XRN2: variants seen among roughly 807,000 people sequenced by gnomAD.
XRN2 encodes the protein DHM1-like protein.
XRN2 carries 44 observed loss-of-function variants against 138.5 expected under a neutral mutation model. That is an observed-to-expected ratio of 0.32 (90% CI 0.25 to 0.41). The LOEUF (loss-of-function observed/expected upper bound fraction) is 0.41. XRN2 is among the 10% of genes least tolerant of loss of function. XRN2 has a pLI of 1.00. For missense variants in XRN2, 937 were observed against 1,169.3 expected (o/e 0.80, Z 2.90); for synonymous variants, 354 against 369.4 (o/e 0.96, Z 0.48).
chr20:21,332,477 A>T (rs762809817), intron 9 of XRN2, 37 bp downstream of exon 9: 5 of 1,542,264 alleles, frequency 3.2e-6, no homozygotes, highest in Non-Finnish European at 4.4e-6. Context: ...TCATTAAAAA[A>T]AAAAATCTAT....
intron 1 of XRN2, among the ~76,000 whole-genome samples, chr20:21,324,909 A>G (rs1007148389): frequency 3.3e-5 from 5 of 152,348 alleles, no homozygotes; most frequent in South Asian, 2.1e-4. Flanking sequence ...GAGCTGTGCA[A>G]TCATCACTAT....
intron 15 of XRN2, among the ~76,000 whole-genome samples, 163 bp downstream of exon 15, chr20:21,341,015 A>G (rs1296056363): frequency 6.6e-6 from 1 of 152,124 alleles, no homozygotes; most frequent in Non-Finnish European, 1.5e-5. Flanking sequence ...GTCCATCTTT[A>G]TCAATATGAA....
chr20:21,324,659 G>A (rs1245538355), intron 1 of XRN2, among the ~76,000 whole-genome samples: 1 of 152,010 alleles, frequency 6.6e-6, no homozygotes, highest in Non-Finnish European at 1.5e-5. Context: ...TAAGAGATGA[G>A]ATCTTACTCT....
chr20:21,319,707 C>T lies in XRN2; in HGVS notation c.76-6572C>T, dbSNP rs2122183248. ...ACTTTACTGCTATATAGTTCAGTTC[C>T]CATCCCCCCTTTGTATATTATTGTT... On this transcript the variant is annotated intron_variant, in intron 1 of 29. Coordinates refer to ENST00000377191, the MANE Select transcript of XRN2 (RefSeq NM_012255.5). Among the ~76,000 whole-genome samples, 2 of 152,060 alleles carry T rather than the reference C, an allele frequency of 1.3e-5. 1 individual carries two copies. Among genetic ancestry groups the T allele is most frequent in the East Asian group, 3.9e-4 (2 of 5,170 alleles).
chr20:21,319,226 G>A (rs1184488022), intron 1 of XRN2, among the ~76,000 whole-genome samples: 2 of 152,046 alleles, frequency 1.3e-5, no homozygotes, highest in African/African-American at 2.4e-5. Flanking sequence ...GTTGCTGTCT[G>A]CATGATTATC....
At chr20:21,349,329 T>G (rs2038477712) in intron 19 of XRN2, 60 bp from the exon 20 acceptor site, 1 of 1,132,276 alleles carries the variant, frequency 8.8e-7, no homozygotes. Flanking sequence ...TCATATCAAA[T>G]TCTTTATAAC....
chr20:21,363,688 C>G (rs1286895945), intron 24 of XRN2, among the ~76,000 whole-genome samples: 3 of 152,146 alleles, frequency 2.0e-5, no homozygotes, highest in Non-Finnish European at 2.9e-5. Context: ...CAGATAGACT[C>G]TAGTTAAAGT....
chr20:21,382,662 A>G (rs958545928), intron 28 of XRN2, among the ~76,000 whole-genome samples: 3 of 152,216 alleles, frequency 2.0e-5, no homozygotes, highest in Admixed American at 6.5e-5. Context: ...TCTGCAGTCT[A>G]ATAAGTACCA....
chr20:21,321,567 G>C (rs553811827), intron 1 of XRN2, among the ~76,000 whole-genome samples: 1 of 151,892 alleles, frequency 6.6e-6, no homozygotes, highest in African/African-American at 2.4e-5. Context: ...TGATTCTCCC[G>C]CTTCAGCCTC....
chr20:21,314,810 C>T (rs1266247594), intron 1 of XRN2, among the ~76,000 whole-genome samples: 1 of 152,178 alleles, frequency 6.6e-6, no homozygotes. Context: ...CTGTGTGTTG[C>T]TTACCAACTT....
intron 27 of XRN2, among the ~76,000 whole-genome samples, chr20:21,377,318 C>T (rs1365562252): frequency 4.3e-5 from 5 of 115,810 alleles, no homozygotes; most frequent in East Asian, 3.0e-4. Context: ...AGTGCAGTGG[C>T]GCAATCTCAG....
chr20:21,323,956 T>C (rs1001204857), intron 1 of XRN2, among the ~76,000 whole-genome samples: 6 of 152,166 alleles, frequency 3.9e-5, no homozygotes, highest in African/African-American at 1.2e-4. Flanking sequence ...TATTTACTGA[T>C]TTTTTTCCTG....
At chr20:21,374,681 A>G (rs2038798983) in intron 27 of XRN2, among the ~76,000 whole-genome samples, 1 of 152,140 alleles carries the variant, frequency 6.6e-6, no homozygotes, top group African/African-American at 2.4e-5. Flanking sequence ...ATCTTTTTAT[A>G]TGTCACTACA....
At chr20:21,338,859 C>A (rs999542240) in intron 13 of XRN2, among the ~76,000 whole-genome samples, 185 bp from the exon 14 acceptor site, 18 of 152,098 alleles carry the variant, frequency 1.2e-4, no homozygotes, top group African/African-American at 4.3e-4. Context: ...ATTCAGTCTT[C>A]CATTGTTAAG....
At position 21,348,126 on chromosome 20, in the gene XRN2, T is replaced by G; in HGVS notation, c.1666-20T>G. On this transcript the variant is annotated intron_variant, in intron 17 of 29. Transcript: ENST00000377191. ...TAACATAGGTTTTTGATTTTGTTGT[T>G]ACTTTTTTAATGATTCTAGGGCTGT... 1.3e-6 allele frequency: 2 copies of G among 1,577,294 alleles called. No homozygotes were observed. The highest frequency in any genetic ancestry group is 1.7e-6 in the Non-Finnish European group (2 of 1,168,382).
At chr20:21,341,216 C>G (rs548903272) in intron 15 of XRN2, among the ~76,000 whole-genome samples, 3 of 152,266 alleles carry the variant, frequency 2.0e-5, no homozygotes, top group African/African-American at 7.2e-5. Context: ...GTGAATGGTT[C>G]TAGAAGCTTG....
At chr20:21,348,575 C>G in intron 19 of XRN2, 145 bp downstream of exon 19, 1 of 754,070 alleles carries the variant, frequency 1.3e-6, no homozygotes, top group Non-Finnish European at 2.1e-6. Flanking sequence ...CATATATTTC[C>G]TGCTTTCTTT....
At chr20:21,331,687 G>A (rs75604605) in intron 7 of XRN2, 54 bp downstream of exon 7, 87,944 of 1,595,264 alleles carry the variant, frequency 0.055, 2,858 homozygotes, top group East Asian at 0.15. Flanking sequence ...AAAAGCCATT[G>A]CATAGAAAAT....
At chr20:21,313,779 T>C (rs1028986946) in intron 1 of XRN2, among the ~76,000 whole-genome samples, 3 of 152,210 alleles carry the variant, frequency 2.0e-5, no homozygotes, top group East Asian at 1.9e-4. Flanking sequence ...TTCCATTTCA[T>C]TGAGTACTAC....
Sources: allele counts gnomAD v4.1 joint callset (sites outside exome capture counted in the v4.1 genomes callset), GRCh38; gene constraint gnomAD v4.1.1; transcripts MANE v1.5; gene names NCBI Gene and HGNC (gene_info 2026-07-23, HGNC 2026-07-21).